Variants in CPZ observed in about 807,000 individuals in gnomAD.
CPZ encodes carboxypeptidase Z.
Under a neutral mutation model 61.8 loss-of-function variants are expected in CPZ, and 103 were observed. The observed-to-expected ratio is 1.67, with a 90% CI of 1.42 to 1.96. The LOEUF is 1.96. Ranked by LOEUF, CPZ falls within the 30% of genes most tolerant of loss-of-function variation. The pLI, the probability that CPZ is intolerant of heterozygous loss-of-function variation, is 0.00. For missense variants in CPZ, 1,461 were observed against 914.9 expected, an observed-to-expected ratio of 1.60 and a Z score of -7.70; for synonymous variants, 551 against 373.7, an observed-to-expected ratio of 1.47 and a Z score of -5.47.
chr4:8,612,985 G>A (rs1418604843), intron 8 of CPZ, among the ~76,000 whole-genome samples: 1 of 152,198 alleles, frequency 6.6e-6, no homozygotes, highest in Non-Finnish European at 1.5e-5. Context: ...CTGCTCAATG[G>A]TTGGCACCTG....
chr4:8,617,136 G>C lies in CPZ; in HGVS notation c.1504-1293G>C, dbSNP rs562915595. Among the ~76,000 whole-genome samples the C allele has an allele frequency of 2.0e-5, 3 of 152,248 alleles. No homozygotes were observed. In the South Asian group the frequency reaches 6.2e-4, roughly 31 times the overall value. ...CACAGGGTCTGAGCTCACGGGCCGC[G>C]TGTGTCAGGCCAGTCGGTTTCTGCA... On this transcript the variant is annotated intron_variant, in intron 9 of 10. Transcript: ENST00000360986.
intron 9 of CPZ, among the ~76,000 whole-genome samples, chr4:8,617,406 G>A (rs545725109): frequency 1.3e-5 from 2 of 152,212 alleles, no homozygotes; most frequent in African/African-American, 4.8e-5. Context: ...GGATGCTCCT[G>A]TTGCCAGGGC....
At chr4:8,607,013 C>T (rs1378225151) in intron 6 of CPZ, 115 bp downstream of exon 6, 2 of 1,256,982 alleles carry the variant, frequency 1.6e-6, no homozygotes, top group Non-Finnish European at 1.1e-6. Context: ...GTGCTCCCTC[C>T]CTGCCTCAGT....
In CPZ at chr4:8,604,134, G is replaced by C. The variant is rs139002359; in HGVS notation, c.655G>C (p.Gly219Arg). The change falls in exon 4 of 11, where the codon GGC becomes CGC. Residue 219 changes from glycine to arginine, a missense_variant. Physicochemically the swap from Gly to Arg is moderately radical, Grantham distance 125 (BLOSUM62 -2). Transcript: ENST00000360986. ...CTACAGCATCGGGCGCAGCTTCGAC[G>C]GCAGGGAGCTGCTGGTCATCGAGTT... is the stretch of plus-strand genomic sequence containing the variant. ...RTYSIGRSFD[G>R]RELLVIEFSS... 2 of 1,591,884 alleles carry C rather than the reference G, an allele frequency of 1.3e-6. No homozygotes were observed. Among genetic ancestry groups the C allele is most frequent in the Non-Finnish European group, 1.7e-6 (2 of 1,169,256 alleles).
rs902338757 is a variant in CPZ at position 8,619,407 on chromosome 4, T to A, written c.1749T>A (p.Pro583=). The A allele has an allele frequency of 1.2e-6, 2 of 1,614,128 alleles. No individual in the cohort carries two copies. The highest frequency in any genetic ancestry group is 2.2e-5 in the South Asian group (2 of 91,062). The change falls in exon 11 of 11, where the codon CCT becomes CCA. Residue 583 remains proline (P), a synonymous_variant. Transcript: ENST00000360986. ...GCCGTGTGGACTTCATTCTGCAACCTCTGGGGATGGGACCCAAGAACTTTA... is the reference window on the plus strand; with the variant it reads ...GCCGTGTGGACTTCATTCTGCAACCACTGGGGATGGGACCCAAGAACTTTA... ...RAGRVDFILQ[P]LGMGPKNFIH...
intron 7 of CPZ, among the ~76,000 whole-genome samples, chr4:8,609,198 CCTCACTCACTTA>C (rs1715383913): frequency 7.3e-6 from 1 of 137,722 alleles, no homozygotes; most frequent in African/African-American, 2.6e-5. Flanking sequence ...TCACTCACTC[CCTCACTCACTTA>C]CTCATTCACT....
chr4:8,597,040 G>A (rs1174227590), intron 1 of CPZ, among the ~76,000 whole-genome samples: 1 of 152,220 alleles, frequency 6.6e-6, no homozygotes, highest in African/African-American at 2.4e-5. Context: ...GGGTACCCAG[G>A]GAGTGGAGCA....
intron 8 of CPZ, among the ~76,000 whole-genome samples, chr4:8,612,484 C>T (rs1463113946): frequency 1.3e-5 from 2 of 152,202 alleles, no homozygotes; most frequent in Non-Finnish European, 2.9e-5. Flanking sequence ...AAATGCTGGA[C>T]TTCCAGTTAA....
At chr4:8,617,459 C>A (rs897548381) in intron 9 of CPZ, among the ~76,000 whole-genome samples, 18 of 152,102 alleles carry the variant, frequency 1.2e-4, no homozygotes, top group African/African-American at 4.3e-4. Flanking sequence ...CTTCTGTGGA[C>A]TCCTCCCTCC....
chr4:8,609,252 C>CTCA, intron 7 of CPZ, among the ~76,000 whole-genome samples: 1 of 73,340 alleles, frequency 1.4e-5, no homozygotes, highest in Non-Finnish European at 2.7e-5. Context: ...TCACTCATCA[C>CTCA]TCACTCATTC....
Position 8,592,901 on chromosome 4 carries a change from A to G in CPZ, c.68A>G (p.Glu23Gly), listed in dbSNP as rs1027133427. 14 of 1,534,506 alleles carry G rather than the reference A, an allele frequency of 9.1e-6. No homozygotes were observed. Among genetic ancestry groups the G allele is most frequent in the Non-Finnish European group, 1.7e-6 (2 of 1,144,084 alleles). Residue 23 changes from glutamate (E) to glycine (G), a missense_variant, in exon 1 of 11, where the codon GAG (glutamate) becomes GGG (glycine). Glu to Gly is a moderately conservative substitution (Grantham distance 98). Coordinates refer to ENST00000360986, the MANE Select transcript of CPZ (RefSeq NM_001014447.3). Reference protein sequence around the residue: ...LVVAAARPGCEFERNPAGECH... With the variant: ...LVVAAARPGCGFERNPAGECH... ...GTCGCCGCTGCCCGGCCGGGGTGCG[A>G]GTTTGAGCGGAACCCCGCCGGTAAG...
intron 7 of CPZ, among the ~76,000 whole-genome samples, chr4:8,609,135 T>TCAC (rs1560297946): frequency 2.6e-4 from 3 of 11,482 alleles, no homozygotes; most frequent in Admixed American, 2.6e-3. Context: ...CATTCACTCA[T>TCAC]TTACTCATTC....
chr4:8,601,826 T>A, intron 3 of CPZ: 1 of 232,420 alleles, frequency 4.3e-6, no homozygotes, highest in Non-Finnish European at 8.3e-6. Flanking sequence ...AGGCCTCGTG[T>A]GGGGGAGCCT....
chr4:8,607,486 TG>T, intron 7 of CPZ, 61 bp downstream of exon 7: 5 of 1,569,660 alleles, frequency 3.2e-6, no homozygotes, highest in Non-Finnish European at 4.3e-6. Context: ...CCCTTGGAGC[TG>T]GTGCCCCTCC....
chr4:8,613,455 C>T (rs1715886291), intron 8 of CPZ, among the ~76,000 whole-genome samples: 1 of 152,176 alleles, frequency 6.6e-6, no homozygotes, highest in Non-Finnish European at 1.5e-5. Flanking sequence ...CCTGATACGG[C>T]CCTGGGAAAG....
chr4:8,609,105 C>T (rs1560297823), intron 7 of CPZ, among the ~76,000 whole-genome samples: 29 of 6,018 alleles, frequency 4.8e-3, no homozygotes, highest in Non-Finnish European at 9.2e-4. Flanking sequence ...CTCACTCACT[C>T]CCTTCCTCAC....
At chr4:8,599,353 G>A (rs1714404333) in intron 1 of CPZ, 100 bp from the exon 2 acceptor site, 4 of 1,404,416 alleles carry the variant, frequency 2.8e-6, no homozygotes, top group Non-Finnish European at 3.8e-6. Context: ...AGGGTGGCCT[G>A]GGCTGGTCCC....
In CPZ at chr4:8,592,842, C is replaced by T. The variant is rs567607052; in HGVS notation, c.9C>T (p.Pro3=). The stretch of plus-strand genomic sequence containing the variant: ...AGGTCCGCCGCCCCACCATGCCGCC[C>T]CCGCTGCCGCTGCTGCTCCTTACAG... MP[P]PLPLLLLTVL... Residue 3 remains proline (P), a synonymous_variant, in exon 1 of 11, where the codon CCC becomes CCT. Transcript: ENST00000360986. The T allele has an allele frequency of 1.4e-6, 2 of 1,479,802 alleles. No individual in the cohort carries two copies. The highest frequency in any genetic ancestry group is 2.9e-5 in the African/African-American group (2 of 68,544). 91.7% of individuals were successfully genotyped at this position (1,479,802 alleles called of 1,614,324 possible). A position where few individuals can be genotyped will look rare whatever the true frequency, so the allele number is the denominator to read the frequency against.
In CPZ at chr4:8,619,709, C is replaced by A; in HGVS notation, c.*92C>A. 2.1e-6 allele frequency: 2 copies of A among 968,038 alleles called. No homozygotes were observed. Among genetic ancestry groups the A allele is most frequent in the Non-Finnish European group, 2.9e-6 (2 of 687,564 alleles). 60.0% of individuals were successfully genotyped at this position (968,038 alleles called of 1,614,324 possible). A position where few individuals can be genotyped will look rare whatever the true frequency, so the allele number is the denominator to read the frequency against. Reference sequence around the variant, plus strand: ...CTTGATTTTGTCTGCCACAGACATCCCACAAAGCCGCTGCCATTTTATTAA... The same window carrying A: ...CTTGATTTTGTCTGCCACAGACATCACACAAAGCCGCTGCCATTTTATTAA... On this transcript the variant is annotated 3_prime_UTR_variant, in exon 11 of 11. Transcript: ENST00000360986.
Sources: allele counts gnomAD v4.1 joint callset (sites outside exome capture counted in the v4.1 genomes callset), GRCh38; gene constraint gnomAD v4.1.1; transcripts MANE v1.5; gene names NCBI Gene and HGNC (gene_info 2026-07-23, HGNC 2026-07-21).